The following FAM149B1 variants were observed in gnomAD, a reference collection of about 807,000 sequenced individuals.
FAM149B1 encodes family with sequence similarity 149 member B1.
In FAM149B1, 56 loss-of-function variants were observed where a neutral mutation model predicts 75.3. The observed-to-expected ratio is 0.74, with a 90% CI of 0.60 to 0.93. The LOEUF is 0.93. FAM149B1 is among the 40% of genes least tolerant of loss of function. FAM149B1 has a pLI of 0.00. For synonymous variants in FAM149B1, 259 were observed against 256.1 expected (o/e 1.01, Z -0.11); for missense variants, 639 against 708.4 (o/e 0.90, Z 1.11).
intron 5 of FAM149B1, among the ~76,000 whole-genome samples, chr10:73,195,875 G>C (rs573550681): frequency 6.6e-6 from 1 of 152,042 alleles, no homozygotes; most frequent in African/African-American, 2.4e-5. Context: ...AAATTATCCA[G>C]GTATATTAGC....
intron 2 of FAM149B1, among the ~76,000 whole-genome samples, chr10:73,177,627 A>G (rs189341624): frequency 3.3e-5 from 5 of 152,036 alleles, no homozygotes; most frequent in Non-Finnish European, 1.5e-5. Flanking sequence ...ATTGTAAACT[A>G]TGACTAGAAT....
At chr10:73,209,794 T>C (rs1461772030) in intron 6 of FAM149B1, among the ~76,000 whole-genome samples, 5 of 152,256 alleles carry the variant, frequency 3.3e-5, no homozygotes, top group Non-Finnish European at 7.3e-5. Flanking sequence ...CAGCAGCATA[T>C]TTGAAAATAA....
intron 10 of FAM149B1, 105 bp downstream of exon 10, chr10:73,233,268 C>T: frequency 2.5e-6 from 2 of 812,818 alleles, no homozygotes; most frequent in Non-Finnish European, 4.0e-6. Flanking sequence ...AGAAACTAAT[C>T]ATTAAGTAGT....
In FAM149B1 at chr10:73,201,010, GGGACTGATGTCCAACAAGTGTCTTC is replaced by G. The variant is rs571706270; in HGVS notation, c.542+7420_542+7444del. On this transcript the variant is annotated intron_variant, in intron 5 of 13. Coordinates refer to ENST00000242505, the MANE Select transcript of FAM149B1 (RefSeq NM_173348.2). ...GATCACTATTTACTTGTTGGCACGT[GGGACTGATGTCCAACAAGTGTCTTC>G]GGTTATAAACTATGATCTACCTAGC... 1.7e-4 allele frequency: 54 copies of G among 311,174 alleles called. 1 individual carries two copies. In the South Asian group the frequency reaches 2.0e-3, roughly 11 times the overall value. The allele number at this position is 311,174 out of a possible 1,614,324, so 19.3% of individuals were successfully genotyped here.
At chr10:73,237,298 G>C (rs1246809846) in intron 12 of FAM149B1, among the ~76,000 whole-genome samples, 1 of 152,172 alleles carries the variant, frequency 6.6e-6, no homozygotes, top group Non-Finnish European at 1.5e-5. Context: ...TCTGATTCTT[G>C]GGGTTCAGTG....
At chr10:73,179,786 A>G (rs1006473428) in intron 3 of FAM149B1, among the ~76,000 whole-genome samples, 1 of 152,094 alleles carries the variant, frequency 6.6e-6, no homozygotes, top group Non-Finnish European at 1.5e-5. Flanking sequence ...ATATAGTTGT[A>G]TGATACATGT....
chr10:73,229,990 T>A (rs1385275919), intron 8 of FAM149B1, among the ~76,000 whole-genome samples: 1 of 152,094 alleles, frequency 6.6e-6, no homozygotes, highest in East Asian at 1.9e-4. Context: ...GCTCCACAGG[T>A]AGTGAAAGAG....
chr10:73,214,833 C>T (rs1361417288), intron 7 of FAM149B1, among the ~76,000 whole-genome samples: 1 of 152,042 alleles, frequency 6.6e-6, no homozygotes, highest in African/African-American at 2.4e-5. Flanking sequence ...GGAGAATTCC[C>T]TCCTTTTTAA....
At chr10:73,235,056 C>T (rs895264775) in intron 11 of FAM149B1, 116 bp downstream of exon 11, 15 of 1,461,132 alleles carry the variant, frequency 1.0e-5, no homozygotes, top group Non-Finnish European at 1.4e-5. Flanking sequence ...AAAGTACAAA[C>T]ACAGTGCTAA....
chr10:73,171,853 C>T (rs925211888), intron 1 of FAM149B1, among the ~76,000 whole-genome samples: 3 of 152,124 alleles, frequency 2.0e-5, no homozygotes, highest in Non-Finnish European at 4.4e-5. Flanking sequence ...TGGTCTCGAT[C>T]TCCTGACCTC....
intron 12 of FAM149B1, among the ~76,000 whole-genome samples, chr10:73,235,638 G>C (rs1306766898): frequency 6.6e-6 from 1 of 152,088 alleles, no homozygotes; most frequent in African/African-American, 2.4e-5. Context: ...TGTTCTTCTG[G>C]AATTACATCA....
chr10:73,179,743 T>G (rs1462412845), intron 3 of FAM149B1, among the ~76,000 whole-genome samples: 1 of 152,166 alleles, frequency 6.6e-6, no homozygotes, highest in East Asian at 1.9e-4. Flanking sequence ...ACCTATTTTC[T>G]AATCATTTTG....
intron 3 of FAM149B1, among the ~76,000 whole-genome samples, chr10:73,187,774 T>C (rs2042566555): frequency 6.7e-6 from 1 of 149,672 alleles, no homozygotes; most frequent in African/African-American, 2.5e-5. Context: ...CAAAACTTAA[T>C]ATCAAAACAT....
intron 7 of FAM149B1, among the ~76,000 whole-genome samples, chr10:73,225,338 G>A (rs2043515535): frequency 6.6e-6 from 1 of 152,168 alleles, no homozygotes; most frequent in East Asian, 1.9e-4. Flanking sequence ...CTTCCGGTGG[G>A]ACAGGAAGTG....
intron 5 of FAM149B1, among the ~76,000 whole-genome samples, chr10:73,197,766 CA>C (rs1043953319): frequency 0.018 from 2,456 of 134,728 alleles, 79 homozygotes; most frequent in African/African-American, 0.061. Context: ...GAGACTGTCT[CA>C]AAAAAAAAAA....
rs554794420 is a variant in FAM149B1, at chr10:73,180,468, G to T, written c.282+2493G>T. ...TAATAATTAGATGCCTCATCAGGAAGATTTAGTATACTGACTAAATATTTC... is the reference window on the plus strand; with the variant it reads ...TAATAATTAGATGCCTCATCAGGAATATTTAGTATACTGACTAAATATTTC... On this transcript the variant is annotated intron_variant, in intron 3 of 13. Coordinates refer to ENST00000242505, the MANE Select transcript of FAM149B1 (RefSeq NM_173348.2). Among the ~76,000 whole-genome samples the T allele has an allele frequency of 5.9e-5, 9 of 152,292 alleles. No homozygotes were observed. In the South Asian group the frequency reaches 1.7e-3, roughly 28 times the overall value.
Position 73,168,124 on chromosome 10 carries a change from C to T in FAM149B1, c.-216C>T. ...AGTGTCCGGGGGCCTTCGTCACTTC[C>T]GCCCCCGCGGCAAAGCAGGGAGGTC... On this transcript the variant is annotated 5_prime_UTR_variant, in exon 1 of 14. Transcript: ENST00000242505. 1.8e-6 allele frequency: 1 copy of T among 567,490 alleles called. No homozygotes were observed. Among genetic ancestry groups the T allele is most frequent in the East Asian group, 3.2e-5 (1 of 31,134 alleles). 35.2% of individuals were successfully genotyped at this position (567,490 alleles called of 1,614,324 possible).
intron 3 of FAM149B1, among the ~76,000 whole-genome samples, chr10:73,190,602 T>A (rs1248530711): frequency 6.6e-6 from 1 of 152,148 alleles, no homozygotes; most frequent in Non-Finnish European, 1.5e-5. Flanking sequence ...TAGATATGAC[T>A]TTTCTCCCAC....
chr10:73,226,645 C>A (rs1232402888), intron 7 of FAM149B1, among the ~76,000 whole-genome samples: 2 of 152,158 alleles, frequency 1.3e-5, no homozygotes, highest in African/African-American at 4.8e-5. Context: ...ATACTAATAT[C>A]TATTTCATAG....
Sources: gnomAD v4.1 joint callset for allele counts (sites outside exome capture counted in the v4.1 genomes callset) on GRCh38, gnomAD v4.1.1 for gene constraint, MANE v1.5 for transcripts, NCBI Gene and HGNC (gene_info 2026-07-23, HGNC 2026-07-21) for gene names.